ANK2: variants seen among roughly 807,000 people sequenced by gnomAD.
ANK2 encodes ankyrin-2.
A neutral mutation model predicts 360.5 loss-of-function variants in ANK2; 83 were observed. The observed-to-expected ratio is 0.23, with a 90% CI of 0.19 to 0.28. ANK2 has a LOEUF of 0.28. ANK2 is among the 10% of genes least tolerant of loss of function. The probability of loss-of-function intolerance (pLI) is 1.00; values close to 1 mark genes in which losing one functional copy is unlikely to be tolerated. For synonymous variants in ANK2, 1,740 were observed against 1,759.5 expected (o/e 0.99, Z 0.28); for missense variants, 4,201 against 4,795.7 (o/e 0.88, Z 3.66).
At chr4:112,790,845 T>G in the ANK2 span, among the ~76,000 whole-genome samples, 1 of 152,170 alleles carries the variant, frequency 6.6e-6, no homozygotes, top group Non-Finnish European at 1.5e-5. Flanking sequence ...TAGCTTTTCT[T>G]CTGGGAAATG....
chr4:113,176,480 T>A (rs1207154509), intron 2 of ANK2, among the ~76,000 whole-genome samples: 1 of 152,110 alleles, frequency 6.6e-6, no homozygotes, highest in African/African-American at 2.4e-5. Context: ...TTTTTTGTGT[T>A]CTTTTGGACA....
rs146031099 is a variant in ANK2, at chr4:113,024,643, A to G, written c.21+120129A>G. Among the ~76,000 whole-genome samples, 305 of 152,256 alleles carry G rather than the reference A, an allele frequency of 2.0e-3. 7 individuals carry two copies. The highest frequency in any genetic ancestry group is 0.015 in the Admixed American group (236 of 15,288). ...ATCATTCCCTTGTGTCTTTGTAATG[A>G]CTGTATAACTTGTTCCTTAAAGACT... On this transcript the variant is annotated intron_variant, in intron 2 of 30. Transcript: ENST00000503271.
At chr4:113,116,269 G>A (rs1002139938) in intron 1 of ANK2, among the ~76,000 whole-genome samples, 1 of 152,172 alleles carries the variant, frequency 6.6e-6, no homozygotes, top group Non-Finnish European at 1.5e-5. Context: ...CCCTCTTTGA[G>A]TGATAAAGAG....
At chr4:113,063,389 G>A (rs1326652694) in intron 1 of ANK2, among the ~76,000 whole-genome samples, 1 of 152,086 alleles carries the variant, frequency 6.6e-6, no homozygotes, top group Non-Finnish European at 1.5e-5. Context: ...TATGGTACTT[G>A]AATTTGCCTT....
chr4:113,157,580 G>A (rs1226180095), intron 1 of ANK2, among the ~76,000 whole-genome samples: 1 of 152,190 alleles, frequency 6.6e-6, no homozygotes, highest in Non-Finnish European at 1.5e-5. Flanking sequence ...AGGTGGCAAT[G>A]CCACATGGTT....
chr4:113,336,577 G>T lies in ANK2; in HGVS notation c.3592G>T (p.Ala1198Ser), dbSNP rs201424485. ...LTKRIRVGLQ[A>S]QPMHSELVKK... ...ATGTGTGTGTTTTTACTTTGAAAAG[G>T]CTCAACCTATGCACAGTGAGCTGGT... Residue 1198 changes from alanine (A) to serine (S), a missense_variant and splice_region_variant, in exon 31 of 46, where the codon GCT becomes TCT. Physicochemically the swap from Ala to Ser is moderately conservative, Grantham distance 99. Transcript: ENST00000357077. The T allele has an allele frequency of 6.8e-6, 11 of 1,613,584 alleles. No homozygotes were observed. Among genetic ancestry groups the T allele is most frequent in the South Asian group, 3.3e-5 (3 of 91,032 alleles).
chr4:112,921,481 G>T (rs546319324), intron 2 of ANK2, among the ~76,000 whole-genome samples: 2 of 144,532 alleles, frequency 1.4e-5, no homozygotes, highest in Non-Finnish European at 3.0e-5. Context: ...ATTTTTTAAA[G>T]AGATGGGGTC....
At chr4:112,822,282 G>A (rs988976758) in intron 1 of ANK2, among the ~76,000 whole-genome samples, 1 of 150,108 alleles carries the variant, frequency 6.7e-6, no homozygotes, top group African/African-American at 2.4e-5. Context: ...GCCGGGCGTG[G>A]TGGCATGTGC....
intron 2 of ANK2, among the ~76,000 whole-genome samples, chr4:113,191,058 G>A (rs1167714533): frequency 2.0e-5 from 3 of 152,136 alleles, no homozygotes; most frequent in African/African-American, 7.2e-5. Flanking sequence ...GGAGAGTTGA[G>A]GCTGGGTATG....
At chr4:112,961,062 T>G (rs1045121955) in intron 2 of ANK2, among the ~76,000 whole-genome samples, 2 of 141,944 alleles carry the variant, frequency 1.4e-5, no homozygotes, top group Admixed American at 7.0e-5. Context: ...AAATAACTGT[T>G]TTTTTTTTTT....
intron 1 of ANK2, among the ~76,000 whole-genome samples, chr4:113,136,499 T>C (rs192349227): frequency 1.3e-5 from 2 of 152,198 alleles, no homozygotes; most frequent in African/African-American, 4.8e-5. Context: ...CTGGGCAACA[T>C]GGCGAAACCC....
chr4:112,796,299 T>C, the ANK2 span, among the ~76,000 whole-genome samples: 1 of 151,978 alleles, frequency 6.6e-6, no homozygotes, highest in Non-Finnish European at 1.5e-5. Context: ...GGTGCATGCC[T>C]GTAATCCCAG....
intron 2 of ANK2, among the ~76,000 whole-genome samples, chr4:112,991,102 T>C (rs1356640013): frequency 6.6e-6 from 1 of 151,882 alleles, no homozygotes; most frequent in African/African-American, 2.4e-5. Flanking sequence ...AATACAAAAA[T>C]TAGCTGGGCA....
chr4:112,708,921 A>G, the ANK2 span, among the ~76,000 whole-genome samples: 1 of 152,202 alleles, frequency 6.6e-6, no homozygotes, highest in East Asian at 1.9e-4. Flanking sequence ...TTACAACTTC[A>G]TATTTTGAAC....
intron 2 of ANK2, among the ~76,000 whole-genome samples, chr4:112,934,143 A>G (rs2093519837): frequency 2.0e-5 from 3 of 152,314 alleles, no homozygotes; most frequent in Middle Eastern, 3.4e-3. Flanking sequence ...AATTGTGACC[A>G]ATTTATGAGA....
Position 113,354,564 on chromosome 4 carries a change from G to C in ANK2, c.5946G>C (p.Glu1982Asp). Residue 1982 changes from glutamate to aspartate, a missense_variant, in exon 38 of 46, where the codon GAG becomes GAC. By Grantham distance (45) the Glu-to-Asp change is conservative. This residue lies in a region of ANK2 where 2,642 missense variants were observed against 2,714.5 expected (regional missense o/e 0.97). Transcript: ENST00000357077. ...QPPVSPTSKT[E>D]RIEETMSVRE... ...CTGTATCCCCCACTTCAAAAACAGA[G>C]AGGATTGAGGAAACCATGTCTGTTC... is the stretch of plus-strand genomic sequence containing the variant. The C allele has an allele frequency of 6.2e-7, 1 of 1,614,126 alleles. No homozygotes were observed. The highest frequency in any genetic ancestry group is 8.5e-7 in the Non-Finnish European group (1 of 1,180,002).
intron 39 of ANK2, 100 bp from the exon 40 acceptor site, chr4:113,363,238 C>T: frequency 4.9e-6 from 6 of 1,216,050 alleles, no homozygotes; most frequent in South Asian, 1.3e-5. Flanking sequence ...AAATACTCAC[C>T]ACAATATAAA....
intron 2 of ANK2, among the ~76,000 whole-genome samples, chr4:112,957,609 CA>C (rs2154257735): frequency 6.7e-6 from 1 of 148,304 alleles, no homozygotes; most frequent in South Asian, 2.1e-4. Context: ...AGGCGCCCCT[CA>C]CCTCCCGGAC....
intron 1 of ANK2, chr4:112,826,527 C>A (rs2058440746): frequency 7.6e-7 from 1 of 1,308,744 alleles, no homozygotes; most frequent in Non-Finnish European, 1.1e-6. Flanking sequence ...TATTGGCACT[C>A]CAATGCAAAT....
Sources: gnomAD v4.1 joint callset for allele counts (sites outside exome capture counted in the v4.1 genomes callset) on GRCh38, gnomAD v4.1.1 for gene constraint, gnomAD v4.1.1 regional missense constraint, MANE v1.5 for transcripts, NCBI Gene and HGNC (gene_info 2026-07-23, HGNC 2026-07-21) for gene names.